BLM: variants seen among roughly 807,000 people sequenced by gnomAD.
The protein encoded by BLM is BLM RecQ like helicase.
BLM carries 95 observed loss-of-function variants against 135.3 expected under a neutral mutation model. That is an observed-to-expected ratio of 0.70 (90% CI 0.59 to 0.83). BLM has a LOEUF of 0.83. BLM is among the 40% of genes least tolerant of loss of function. The probability of loss-of-function intolerance (pLI) is 0.00; values close to 1 mark genes in which losing one functional copy is unlikely to be tolerated. For synonymous variants in BLM, 520 were observed against 589.2 expected (o/e 0.88, Z 1.70); for missense variants, 1,518 against 1,663.9 (o/e 0.91, Z 1.53).
intron 1 of BLM, among the ~76,000 whole-genome samples, chr15:90,727,211 G>C (rs11856118): frequency 0.03 from 4,535 of 151,948 alleles, 229 homozygotes; most frequent in African/African-American, 0.099. Context: ...ACGGAGTCTT[G>C]CTGTGTTGCC....
rs147380383 is a variant in BLM at position 90,772,954 on chromosome 15, G to A, written c.2555+3368G>A. 3.3e-3 allele frequency among the ~76,000 whole-genome samples: 493 copies of A among 151,446 alleles called. 4 individuals are homozygous for A. Among genetic ancestry groups the A allele is most frequent in the African/African-American group, 0.011 (473 of 41,252 alleles). ...CTCTACTAAAAATACAAAACTAGCC[G>A]GGCCTGGTGGTGCATACCTGTAATC... is the stretch of plus-strand genomic sequence containing the variant. On this transcript the variant is annotated intron_variant, in intron 12 of 21. Coordinates refer to ENST00000355112, the MANE Select transcript of BLM (RefSeq NM_000057.4).
chr15:90,807,704 A>C (rs56742304), intron 19 of BLM, among the ~76,000 whole-genome samples: 13,778 of 152,230 alleles, frequency 0.091, 1,055 homozygotes, highest in African/African-American at 0.21. Flanking sequence ...TCAGCCAGAT[A>C]GTGCTTTTCT....
In BLM at chr15:90,749,736, T is replaced by C. The variant is rs1244215027; in HGVS notation, c.468T>C (p.Asp156=). Residue 156 remains aspartate, a synonymous_variant, in exon 3 of 22, where the codon GAT becomes GAC. Transcript: ENST00000355112. ...DSLSTINDWD[D]MDDFDTSETS... Reference sequence around the variant, plus strand: ...TAAGTACCATCAATGATTGGGATGATATGGATGACTTTGATACTTCTGAGA... The same window carrying C: ...TAAGTACCATCAATGATTGGGATGACATGGATGACTTTGATACTTCTGAGA... 6.2e-7 allele frequency: 1 copy of C among 1,614,194 alleles called. No individual in the cohort carries two copies. Among genetic ancestry groups the C allele is most frequent in the East Asian group, 2.2e-5 (1 of 44,880 alleles).
intron 12 of BLM, among the ~76,000 whole-genome samples, chr15:90,779,743 C>G (rs890472446): frequency 6.6e-6 from 1 of 152,186 alleles, no homozygotes; most frequent in Non-Finnish European, 1.5e-5. Flanking sequence ...TTCATTCCCA[C>G]CACCTTATTC....
chr15:90,767,671 G>C (rs1896171844), intron 10 of BLM, among the ~76,000 whole-genome samples: 1 of 152,136 alleles, frequency 6.6e-6, no homozygotes, highest in Non-Finnish European at 1.5e-5. Flanking sequence ...GACAATGTTA[G>C]TTAACTGATC....
Position 90,789,180 on chromosome 15 carries a change from G to A in BLM, c.2824-1469G>A, listed in dbSNP as rs559540071. ...AATATTAGCCTACACCAGCTCGACA[G>A]ACTTGATCTCGTTAGATTCATGAGA... is the stretch of plus-strand genomic sequence containing the variant. On this transcript the variant is annotated intron_variant, in intron 14 of 21. Coordinates refer to ENST00000355112, the MANE Select transcript of BLM (RefSeq NM_000057.4). 3.3e-5 allele frequency among the ~76,000 whole-genome samples: 5 copies of A among 152,202 alleles called. No homozygotes were observed. In the South Asian group the frequency reaches 1.0e-3, roughly 32 times the overall value.
At chr15:90,780,885 A>T (rs1896601101) in intron 12 of BLM, among the ~76,000 whole-genome samples, 1 of 152,218 alleles carries the variant, frequency 6.6e-6, no homozygotes, top group Admixed American at 6.5e-5. Context: ...GTGCAGGAGG[A>T]TGTGCATAGG....
chr15:90,718,693 A>G (rs1192381372), intron 1 of BLM, among the ~76,000 whole-genome samples: 1 of 152,240 alleles, frequency 6.6e-6, no homozygotes, highest in African/African-American at 2.4e-5. Context: ...GCCACTCACC[A>G]TGACAGGTAC....
intron 12 of BLM, among the ~76,000 whole-genome samples, chr15:90,773,095 CAAAAAAAAAAAAA>C (rs780966709): frequency 4.6e-5 from 2 of 43,438 alleles, no homozygotes; most frequent in Admixed American, 2.9e-4. Flanking sequence ...GAGACTGTCT[CAAAAAAAAAAAAA>C]AAAAAAAAAA....
chr15:90,749,731 G>T lies in BLM; in HGVS notation c.463G>T (p.Asp155Tyr), dbSNP rs2151147403. ...TTCTTTAAGTACCATCAATGATTGG[G>T]ATGATATGGATGACTTTGATACTTC... is the stretch of plus-strand genomic sequence containing the variant. ...PDSLSTINDW[D>Y]DMDDFDTSET... is the part of the protein sequence containing the mutation. The change falls in exon 3 of 22, where the codon GAT becomes TAT. Residue 155 changes from aspartate (D) to tyrosine (Y), a missense_variant. Coordinates refer to ENST00000355112, the MANE Select transcript of BLM (RefSeq NM_000057.4). 1 of 1,614,154 alleles carries T rather than the reference G, an allele frequency of 6.2e-7. No homozygotes were observed. The highest frequency in any genetic ancestry group is 8.5e-7 in the Non-Finnish European group (1 of 1,180,012).
At chr15:90,776,892 T>C (rs1896491431) in intron 12 of BLM, among the ~76,000 whole-genome samples, 1 of 152,192 alleles carries the variant, frequency 6.6e-6, no homozygotes, top group Non-Finnish European at 1.5e-5. Context: ...TGGCTATAGA[T>C]TAGCTCTTTC....
At chr15:90,795,761 C>T (rs1473364879) in intron 16 of BLM, among the ~76,000 whole-genome samples, 2 of 152,150 alleles carry the variant, frequency 1.3e-5, no homozygotes, top group African/African-American at 4.8e-5. Context: ...CAGTTACAAA[C>T]AATATACACA....
rs200699695 is a variant in BLM at position 90,815,038 on chromosome 15, A to AGAG, written c.4077-61_4077-59dup. The AGAG allele has an allele frequency of 3.6e-5, 39 of 1,092,966 alleles. No homozygotes were observed. The highest frequency in any genetic ancestry group is 4.9e-5 in the Non-Finnish European group (38 of 771,384). The allele number at this position is 1,092,966 out of a possible 1,614,324, so 67.7% of individuals were successfully genotyped here. A position where few individuals can be genotyped will look rare whatever the true frequency, so the allele number is the denominator to read the frequency against. Reference sequence around the variant, plus strand: ...TGGTATTGTAGCTCTGTGCAGGTTGAGAGGAAGGTCATTCATTTTTGGTTT... The same window carrying AGAG: ...TGGTATTGTAGCTCTGTGCAGGTTGAGAGGAGGAAGGTCATTCATTTTTGGTTT... On this transcript the variant is annotated intron_variant, in intron 21 of 21. Coordinates refer to ENST00000355112, the MANE Select transcript of BLM (RefSeq NM_000057.4). The surrounding 1 kb of genome is among the most constrained non-coding windows in gnomAD (Gnocchi z 4.6).
chr15:90,719,419 T>C (rs933518483), intron 1 of BLM, among the ~76,000 whole-genome samples: 1 of 152,134 alleles, frequency 6.6e-6, no homozygotes, highest in African/African-American at 2.4e-5. Context: ...CTCACCAACA[T>C]GGCGAAACTC....
At chr15:90,782,186 G>A (rs1487843372) in intron 12 of BLM, among the ~76,000 whole-genome samples, 1 of 152,086 alleles carries the variant, frequency 6.6e-6, no homozygotes, top group African/African-American at 2.4e-5. Context: ...TCAGGAGTTC[G>A]AGACCAGCCT....
At chr15:90,742,881 C>T (rs1486411585) in intron 1 of BLM, among the ~76,000 whole-genome samples, 4 of 152,118 alleles carry the variant, frequency 2.6e-5, no homozygotes, top group Admixed American at 6.6e-5. Flanking sequence ...AGCGATCCTC[C>T]CGCTTTGGCT....
In BLM at chr15:90,734,153, T is replaced by A. The variant is rs74251773; in HGVS notation, c.-4-13236T>A. 5.7e-3 allele frequency among the ~76,000 whole-genome samples: 864 copies of A among 152,218 alleles called. 10 individuals are homozygous for A. Among genetic ancestry groups the A allele is most frequent in the East Asian group, 0.041 (215 of 5,184 alleles). ...CAAAGATGGTTTAACATTAGAATCATCAATGTAATTCACCATATTAATTAA... is the reference window on the plus strand; with the variant it reads ...CAAAGATGGTTTAACATTAGAATCAACAATGTAATTCACCATATTAATTAA... On this transcript the variant is annotated intron_variant, in intron 1 of 21. Transcript: ENST00000355112.
intron 21 of BLM, among the ~76,000 whole-genome samples, chr15:90,812,718 A>G (rs1163480727): frequency 6.6e-6 from 1 of 152,212 alleles, no homozygotes; most frequent in Non-Finnish European, 1.5e-5. Context: ...CCTTCTGAGT[A>G]ATAAAAAACA....
At chr15:90,738,495 G>A (rs2151138375) in intron 1 of BLM, among the ~76,000 whole-genome samples, 1 of 152,158 alleles carries the variant, frequency 6.6e-6, no homozygotes, top group South Asian at 2.1e-4. Context: ...GACCACTTGA[G>A]CCCGGGAGGT....
Sources: allele counts gnomAD v4.1 joint callset (sites outside exome capture counted in the v4.1 genomes callset), GRCh38; gene constraint gnomAD v4.1.1; non-coding constraint Gnocchi (gnomAD v3.1); transcripts MANE v1.5; gene names NCBI Gene and HGNC (gene_info 2026-07-23, HGNC 2026-07-21).